ATP13A5: variants seen among roughly 807,000 people sequenced by gnomAD.
ATP13A5 encodes ATPase 13A5, also known as probable cation-transporting ATPase 13A5.
A neutral mutation model predicts 150.2 loss-of-function variants in ATP13A5; 149 were observed. The observed-to-expected ratio is 0.99, with a 90% CI of 0.87 to 1.14. The LOEUF (loss-of-function observed/expected upper bound fraction) is 1.14, where lower values mean the gene tolerates loss of function less well. Ranked by LOEUF, ATP13A5 falls within the 50% of genes most tolerant of loss-of-function variation. The pLI is 0.00. For missense variants in ATP13A5, 1,383 were observed against 1,449.3 expected (o/e 0.95, Z 0.74); for synonymous variants, 497 against 522.2 (o/e 0.95, Z 0.66).
At chr3:193,362,754 T>C (rs967797592) in intron 3 of ATP13A5, 117 bp from the exon 4 acceptor site, 6 of 65,844 alleles carry the variant, frequency 9.1e-5, no homozygotes, top group African/African-American at 9.1e-4. Context: ...GCTTTCCTTC[T>C]TTCTTTCTTT....
chr3:193,357,417 C>T (rs1005969079), intron 5 of ATP13A5, among the ~76,000 whole-genome samples: 2 of 152,048 alleles, frequency 1.3e-5, no homozygotes, highest in Non-Finnish European at 2.9e-5. Context: ...CTGGCATGCC[C>T]CTTGCTGCTG....
At chr3:193,283,049 AAGAT>A (rs1037700879) in intron 27 of ATP13A5, among the ~76,000 whole-genome samples, 5 of 152,344 alleles carry the variant, frequency 3.3e-5, no homozygotes, top group African/African-American at 9.6e-5. Context: ...AAAAACAAAA[AAGAT>A]AGTATGGAAA....
chr3:193,375,392 C>A (rs61486366), intron 1 of ATP13A5, among the ~76,000 whole-genome samples: 38,173 of 151,994 alleles, frequency 0.25, 5,146 homozygotes, highest in East Asian at 0.55. Flanking sequence ...AGATTTATTT[C>A]GGGTCTTATG....
chr3:193,311,578 C>A (rs1381556208), intron 20 of ATP13A5, among the ~76,000 whole-genome samples: 1 of 152,066 alleles, frequency 6.6e-6, no homozygotes, highest in African/African-American at 2.4e-5. Flanking sequence ...GCTGAACTGG[C>A]CACAGGGGTG....
intron 9 of ATP13A5, among the ~76,000 whole-genome samples, chr3:193,340,808 G>T (rs1712088162): frequency 6.6e-6 from 1 of 152,116 alleles, no homozygotes; most frequent in South Asian, 2.1e-4. Flanking sequence ...TGTGTCATTT[G>T]TATACTTTCA....
At chr3:193,378,557 A>G in intron 1 of ATP13A5, 106 bp downstream of exon 1, 2 of 1,036,682 alleles carry the variant, frequency 1.9e-6, no homozygotes, top group Admixed American at 2.1e-5. Flanking sequence ...TCAAGGTCCT[A>G]AAGCCTGAAG....
At position 193,301,261 on chromosome 3, in the gene ATP13A5, A is replaced by G. The variant is rs758264597; in HGVS notation, c.2725T>C (p.Leu909=). ...LVSSFGVFKY[L]TMYGIIQFIS... is the part of the protein sequence containing the mutation. ...AACTGGATTATGCCGTACATGGTCA[A>G]GTATTTAAATACTCCAAAGGATGAA... is the stretch of plus-strand genomic sequence containing the variant. Residue 909 remains leucine (L), a synonymous_variant, in exon 24 of 30, where the codon TTG becomes CTG. Coordinates refer to ENST00000342358, the MANE Select transcript of ATP13A5 (RefSeq NM_198505.4). 1 of 1,613,548 alleles carries G rather than the reference A, an allele frequency of 6.2e-7. No homozygotes were observed. The highest frequency in any genetic ancestry group is 1.7e-5 in the Admixed American group (1 of 59,966).
chr3:193,284,807 C>G, intron 27 of ATP13A5, 107 bp downstream of exon 27: 1 of 930,582 alleles, frequency 1.1e-6, no homozygotes, highest in South Asian at 1.8e-5. Flanking sequence ...TAGAGTCATG[C>G]AATTGTTTCT....
At chr3:193,291,041 G>A (rs970410917) in intron 25 of ATP13A5, among the ~76,000 whole-genome samples, 4 of 152,122 alleles carry the variant, frequency 2.6e-5, no homozygotes, top group Non-Finnish European at 4.4e-5. Flanking sequence ...TACAGGTAGA[G>A]TAGTGGTAAA....
At position 193,362,429 on chromosome 3, in the gene ATP13A5, A is replaced by C. The variant is rs138006161; in HGVS notation, c.488T>G (p.Ile163Ser). The change falls in exon 5 of 30, where the codon ATC becomes AGC. Residue 163 changes from isoleucine to serine, a missense_variant. By Grantham distance (142) the Ile-to-Ser change is moderately radical (BLOSUM62 -2). Around this residue, in one of 3 missense-constraint regions of ATP13A5, gnomAD observed 787 missense variants for 771.9 expected, o/e 1.02. Transcript: ENST00000342358. ...CAGACCCAATCCAAATGTCTGATGG[A>C]TGTCAGAGCAGGAATTGCTGTCTTC... ...LLEDSNSCSD[I>S]HQTFGLGLTS... is the part of the protein sequence containing the mutation. The C allele has an allele frequency of 3.9e-4, 627 of 1,614,104 alleles. 2 individuals are homozygous for C. In the South Asian group the frequency reaches 6.2e-3, roughly 16 times the overall value.
rs2280268 is a variant in ATP13A5, at chr3:193,314,137, C to T, written c.2215G>A (p.Gly739Ser). Reference sequence around the variant, plus strand: ...GCCTCAACAATGATCACTTGGCTGCCTGGAGGGATCATTTCAGAATTCTTT... The same window carrying T: ...GCCTCAACAATGATCACTTGGCTGCTTGGAGGGATCATTTCAGAATTCTTT... ...VAKNSEMIPP[G>S]SQVIIVEADE... The change falls in exon 19 of 30, where the codon GGC (glycine) becomes AGC (serine). Residue 739 changes from glycine (G) to serine (S), a missense_variant. Around this residue, in one of 3 missense-constraint regions of ATP13A5, gnomAD observed 568 missense variants for 621.5 expected, o/e 0.91. Coordinates refer to ENST00000342358, the MANE Select transcript of ATP13A5 (RefSeq NM_198505.4). 1,002,013 of 1,613,446 alleles carry T rather than the reference C, an allele frequency of 0.62. 315,717 individuals are homozygous for T. Among genetic ancestry groups the T allele is most frequent in the Non-Finnish European group, 0.65 (766,336 of 1,179,764 alleles).
Position 193,276,769 on chromosome 3 carries a change from C to T in ATP13A5, c.3377G>A (p.Cys1126Tyr). The T allele has an allele frequency of 6.2e-7, 1 of 1,611,774 alleles. No individual in the cohort carries two copies. The highest frequency in any genetic ancestry group is 8.5e-7 in the Non-Finnish European group (1 of 1,178,548). Residue 1126 changes from cysteine (C) to tyrosine (Y), a missense_variant, in exon 29 of 30, where the codon TGT (cysteine) becomes TAT (tyrosine). Cys to Tyr is a radical substitution (Grantham distance 194). Coordinates refer to ENST00000342358, the MANE Select transcript of ATP13A5 (RefSeq NM_198505.4). ...LILVVALTQFCVAFFVEDSIL... is the reference protein window; with the variant it reads ...LILVVALTQFYVAFFVEDSIL... ...CTTTACCTCTACAAAGAAAGCCACA[C>T]AGAATTGGGTGAGGGCTACCACCAA...
At chr3:193,357,655 A>T (rs1712843396) in intron 5 of ATP13A5, among the ~76,000 whole-genome samples, 1 of 152,242 alleles carries the variant, frequency 6.6e-6, no homozygotes, top group Non-Finnish European at 1.5e-5. Context: ...TTGTTCCAGC[A>T]GCTTCACAGA....
chr3:193,289,337 A>G (rs1490833211), intron 26 of ATP13A5, among the ~76,000 whole-genome samples: 1 of 152,106 alleles, frequency 6.6e-6, no homozygotes, highest in African/African-American at 2.4e-5. Context: ...TCACATTTTA[A>G]CTTTAACATT....
rs779330125 is a variant in ATP13A5, at chr3:193,343,957, T to C, written c.913A>G (p.Ser305Gly). Residue 305 changes from serine (S) to glycine (G), a missense_variant, in exon 9 of 30, where the codon AGC (serine) becomes GGC (glycine). Ser to Gly is a moderately conservative substitution (Grantham distance 56, BLOSUM62 0). Transcript: ENST00000342358. ...AGCATGCCTTCATTCACCACGCAGC[T>C]TCCATCAATCAAAACAGCATCACAT... ...LPCDAVLIDGSCVVNEGMLTG... is the reference protein window; with the variant it reads ...LPCDAVLIDGGCVVNEGMLTG... 8 of 1,613,304 alleles carry C rather than the reference T, an allele frequency of 5.0e-6. No homozygotes were observed. The Admixed American group carries it at 1.3e-4, about 27-fold the overall frequency.
intron 28 of ATP13A5, chr3:193,277,745 T>A (rs1717290002): frequency 6.6e-6 from 1 of 152,246 alleles, no homozygotes. Flanking sequence ...AACCTGGCTC[T>A]TTTTCTCATG....
chr3:193,330,750 G>C (rs1014302634), intron 12 of ATP13A5, among the ~76,000 whole-genome samples: 2 of 152,170 alleles, frequency 1.3e-5, no homozygotes, highest in Non-Finnish European at 2.9e-5. Flanking sequence ...GAGGAGAGAG[G>C]AAACAGATTC....
chr3:193,364,379 C>G, intron 1 of ATP13A5, 99 bp from the exon 2 acceptor site: 1 of 1,435,910 alleles, frequency 7.0e-7, no homozygotes, highest in African/African-American at 1.4e-5. Context: ...AGAATGTTGG[C>G]TGGGAGACAA....
Position 193,319,068 on chromosome 3 carries a change from C to A in ATP13A5, c.1956G>T (p.Val652=). The change falls in exon 17 of 30, where the codon GTG becomes GTT. Residue 652 remains valine (V), a synonymous_variant. Coordinates refer to ENST00000342358, the MANE Select transcript of ATP13A5 (RefSeq NM_198505.4). ...NFPQELRSYT[V]QGFRVIALAH... is the part of the protein sequence containing the mutation. ...CAAGAGCAATGACACGGAAGCCTTG[C>A]ACCGTGTAACTCCTCAGTTCCTGTG... The A allele has an allele frequency of 1.9e-6, 3 of 1,613,932 alleles. No homozygotes were observed. Among genetic ancestry groups the A allele is most frequent in the Non-Finnish European group, 2.5e-6 (3 of 1,179,834 alleles).
Sources: allele counts gnomAD v4.1 joint callset (sites outside exome capture counted in the v4.1 genomes callset), GRCh38; gene constraint gnomAD v4.1.1; regional missense constraint gnomAD v4.1.1; transcripts MANE v1.5; gene names NCBI Gene and HGNC (gene_info 2026-07-23, HGNC 2026-07-21).